PCNX2: variants seen among roughly 807,000 people sequenced by gnomAD.
PCNX2 encodes pecanex-like protein 2.
In PCNX2, 168 loss-of-function variants were observed where a neutral mutation model predicts 223.8. That is an observed-to-expected ratio of 0.75 (90% CI 0.66 to 0.85). The LOEUF (loss-of-function observed/expected upper bound fraction) is 0.85, where lower values mean the gene tolerates loss of function less well. Ranked by LOEUF, PCNX2 falls within the 40% of genes least tolerant of loss-of-function variation. The pLI is 0.00. For missense variants in PCNX2, 2,507 were observed against 2,675.5 expected (o/e 0.94, Z 1.39); for synonymous variants, 1,006 against 1,052.6 (o/e 0.96, Z 0.86).
chr1:233,107,359 G>C (rs562553729), intron 21 of PCNX2, among the ~76,000 whole-genome samples: 1 of 152,174 alleles, frequency 6.6e-6, no homozygotes, highest in South Asian at 2.1e-4. Context: ...CTCCATTCCA[G>C]CCTGGGTGAC....
In PCNX2 at chr1:233,054,498, G is replaced by T. The variant is rs1392991705; in HGVS notation, c.4136-15C>A. On this transcript the variant is annotated splice_polypyrimidine_tract_variant and intron_variant, in intron 24 of 33. Coordinates refer to ENST00000258229, the MANE Select transcript of PCNX2 (RefSeq NM_014801.4). ...GTCATCATTCCCTAAAGGCAGACAA[G>T]AAATATGATCAGTGAATGCCTACTC... 3.8e-6 allele frequency: 6 copies of T among 1,591,368 alleles called. No individual in the cohort carries two copies. The highest frequency in any genetic ancestry group is 5.2e-6 in the Non-Finnish European group (6 of 1,160,750).
At chr1:233,021,153 C>G (rs758794812) in intron 26 of PCNX2, among the ~76,000 whole-genome samples, 2 of 152,082 alleles carry the variant, frequency 1.3e-5, no homozygotes, top group African/African-American at 2.4e-5. Flanking sequence ...CCAAGCCACC[C>G]CTTGCTGAAG....
chr1:233,273,485 A>G (rs1040797956), intron 1 of PCNX2, among the ~76,000 whole-genome samples: 6 of 152,142 alleles, frequency 3.9e-5, no homozygotes, highest in African/African-American at 7.2e-5. Flanking sequence ...AGATGTTGGT[A>G]TGTCTCAGAA....
chr1:233,322,301 C>T, the PCNX2 span, among the ~76,000 whole-genome samples: 1 of 152,092 alleles, frequency 6.6e-6, no homozygotes, highest in Non-Finnish European at 1.5e-5. Context: ...GTGCTGGACT[C>T]GAAAGAGCAG....
intron 25 of PCNX2, among the ~76,000 whole-genome samples, chr1:233,034,986 AC>A (rs1312974005): frequency 6.6e-6 from 1 of 152,174 alleles, no homozygotes; most frequent in Non-Finnish European, 1.5e-5. Context: ...AGGGGAACAG[AC>A]CAGCGATGGG....
intron 8 of PCNX2, among the ~76,000 whole-genome samples, chr1:233,248,174 T>C (rs920243367): frequency 2.6e-5 from 4 of 152,152 alleles, no homozygotes; most frequent in African/African-American, 4.8e-5. Context: ...ATTAATTCAG[T>C]TGCCTTTTCA....
At chr1:233,081,868 C>T (rs543691555) in intron 23 of PCNX2, among the ~76,000 whole-genome samples, 17 of 152,268 alleles carry the variant, frequency 1.1e-4, no homozygotes, top group African/African-American at 3.1e-4. Context: ...GCAAATGCCT[C>T]GGGGCTCTGA....
chr1:233,111,772 C>T (rs1269145932), intron 21 of PCNX2, among the ~76,000 whole-genome samples: 2 of 152,168 alleles, frequency 1.3e-5, no homozygotes, highest in Non-Finnish European at 2.9e-5. Context: ...TGGCAGCAGG[C>T]ACTGGTATTA....
intron 3 of PCNX2, among the ~76,000 whole-genome samples, chr1:233,261,739 A>G (rs1180784903): frequency 1.3e-5 from 2 of 152,232 alleles, no homozygotes; most frequent in Admixed American, 6.5e-5. Flanking sequence ...GACTTAAATG[A>G]ATGACAACAG....
In PCNX2 at chr1:233,001,991, T is replaced by TA. The variant is rs1471714794; in HGVS notation, c.4953-311dup. ...CTGGCCTCACGTGTCCACTCAAAGTTAGAGTGCTAAAACACAGTTTCATCT... is the reference window on the plus strand; with the variant it reads ...CTGGCCTCACGTGTCCACTCAAAGTTAAGAGTGCTAAAACACAGTTTCATCT... On this transcript the variant is annotated intron_variant, in intron 28 of 33. Coordinates refer to ENST00000258229, the MANE Select transcript of PCNX2 (RefSeq NM_014801.4). The surrounding 1 kb of genome is among the most constrained non-coding windows in gnomAD (Gnocchi z 4.2). Among the ~76,000 whole-genome samples, 1 of 152,136 alleles carries TA rather than the reference T, an allele frequency of 6.6e-6. No homozygotes were observed. The highest frequency in any genetic ancestry group is 1.5e-5 in the Non-Finnish European group (1 of 68,020).
intron 1 of PCNX2, among the ~76,000 whole-genome samples, chr1:233,268,586 G>A (rs1189733806): frequency 1.3e-5 from 2 of 152,208 alleles, no homozygotes; most frequent in Non-Finnish European, 2.9e-5. Flanking sequence ...TCATGCTGCA[G>A]CGTTGATGAG....
intron 25 of PCNX2, among the ~76,000 whole-genome samples, chr1:233,032,580 C>CTTT (rs11323256): frequency 6.8e-6 from 1 of 147,024 alleles, no homozygotes. Context: ...AAAGCCAGGG[C>CTTT]TTTTTTTTTT....
chr1:233,063,292 G>A (rs116219334), intron 23 of PCNX2, among the ~76,000 whole-genome samples: 1,755 of 152,030 alleles, frequency 0.012, 30 homozygotes, highest in African/African-American at 0.039. Context: ...AATAGAATGA[G>A]TAGTTAAATA....
intron 17 of PCNX2, chr1:233,167,805 T>TTTGTAA: frequency 1.0e-6 from 1 of 981,796 alleles, no homozygotes; most frequent in Non-Finnish European, 1.2e-6. Flanking sequence ...CTCTAAAAAG[T>TTTGTAA]TTGTAACTTT....
chr1:232,986,649 G>A, intron 32 of PCNX2, 109 bp from the exon 33 acceptor site: 1 of 990,018 alleles, frequency 1.0e-6, no homozygotes, highest in South Asian at 1.9e-5. Context: ...CCCCTCCTCA[G>A]TGCACCACCT....
chr1:233,258,186 G>C lies in PCNX2; in HGVS notation c.1676C>G (p.Ser559Cys), dbSNP rs1407615075. Residue 559 changes from serine (S) to cysteine (C), a missense_variant, in exon 5 of 34, where the codon TCC (serine) becomes TGC (cysteine). Around this residue, in one of 3 missense-constraint regions of PCNX2, gnomAD observed 1,031 missense variants for 1,021.7 expected, o/e 1.01. Transcript: ENST00000258229. ...TTCCTTAGCCTCTAGGTCAGATTTG[G>C]AAGTTGGCATTGTTTTCTCTGTATC... ...VNDTEKTMPT[S>C]KSDLEAKEGQ... The C allele has an allele frequency of 6.2e-7, 1 of 1,613,948 alleles. No homozygotes were observed. Among genetic ancestry groups the C allele is most frequent in the Admixed American group, 1.7e-5 (1 of 60,032 alleles).
intron 20 of PCNX2, among the ~76,000 whole-genome samples, chr1:233,137,125 T>C (rs1016765611): frequency 1.6e-4 from 24 of 152,198 alleles, no homozygotes; most frequent in Non-Finnish European, 1.8e-4. Flanking sequence ...CAGTATAACA[T>C]TGATGGGAAA....
Position 233,259,030 on chromosome 1 carries a change from T to A in PCNX2, c.832A>T (p.Ser278Cys), listed in dbSNP as rs1285319284. 6.2e-7 allele frequency: 1 copy of A among 1,613,760 alleles called. No homozygotes were observed. The highest frequency in any genetic ancestry group is 1.1e-5 in the South Asian group (1 of 91,078). The stretch of plus-strand genomic sequence containing the variant: ...TCTGGAATCAGGACTGAATTCTCAC[T>A]CCCCCACGGCTGGAAAGAAACGTCT... ...ETDVSFQPWG[S>C]ENSVLIPEPV... The change falls in exon 5 of 34, where the codon AGT becomes TGT. Residue 278 changes from serine (S) to cysteine (C), a missense_variant. Ser to Cys is a moderately radical substitution (Grantham distance 112). Coordinates refer to ENST00000258229, the MANE Select transcript of PCNX2 (RefSeq NM_014801.4).
chr1:233,167,005 G>C (rs1572005681), intron 17 of PCNX2, among the ~76,000 whole-genome samples: 2 of 151,930 alleles, frequency 1.3e-5, no homozygotes, highest in Non-Finnish European at 2.9e-5. Context: ...ACTAAAAACA[G>C]AACTACCACG....
Sources: allele counts gnomAD v4.1 joint callset (sites outside exome capture counted in the v4.1 genomes callset), GRCh38; gene constraint gnomAD v4.1.1; regional missense constraint gnomAD v4.1.1; non-coding constraint Gnocchi (gnomAD v3.1); transcripts MANE v1.5; gene names NCBI Gene and HGNC (gene_info 2026-07-23, HGNC 2026-07-21).